ERC2: variants seen among roughly 807,000 people sequenced by gnomAD.
ERC2 encodes the protein ELKS/RAB6-interacting/CAST family member 2.
A neutral mutation model predicts 114.8 loss-of-function variants in ERC2; 42 were observed. The observed-to-expected ratio is 0.37, with a 90% CI of 0.29 to 0.47. The LOEUF is 0.47. Among genes scored for constraint, ERC2 ranks in the 20% least tolerant of loss-of-function variants. The pLI is 0.99. For missense variants in ERC2, 939 were observed against 1,150.7 expected (o/e 0.82, Z 2.66); for synonymous variants, 454 against 425.5 (o/e 1.07, Z -0.82).
At chr3:55,994,763 ATTATT>A (rs1246808408) in intron 10 of ERC2, among the ~76,000 whole-genome samples, 1 of 151,488 alleles carries the variant, frequency 6.6e-6, no homozygotes, top group Non-Finnish European at 1.5e-5. Context: ...AGAAAAGATG[ATTATT>A]CAACGCCACT....
intron 17 of ERC2, among the ~76,000 whole-genome samples, chr3:55,567,927 T>C (rs1367439248): frequency 6.6e-6 from 1 of 152,198 alleles, no homozygotes; most frequent in Non-Finnish European, 1.5e-5. Flanking sequence ...TGGTGATGGC[T>C]TCCCTCTTTG....
At position 55,510,390 on chromosome 3, in the gene ERC2, C is replaced by T. The variant is rs1323739507; in HGVS notation, c.*926G>A. 3 of 152,280 alleles carry T rather than the reference C, an allele frequency of 2.0e-5. No homozygotes were observed. The highest frequency in any genetic ancestry group is 2.9e-5 in the Non-Finnish European group (2 of 68,012). 9.4% of individuals were successfully genotyped at this position (152,280 alleles called of 1,614,324 possible). On this transcript the variant is annotated 3_prime_UTR_variant, in exon 18 of 18. Transcript: ENST00000288221. ...CTTCTTCATGGAGACCTGCATGCAC[C>T]GGGATGGTAAGAGTCTGAGGCTTGG... is the stretch of plus-strand genomic sequence containing the variant.
intron 12 of ERC2, among the ~76,000 whole-genome samples, chr3:55,969,263 A>G (rs1276978940): frequency 2.6e-5 from 4 of 152,144 alleles, no homozygotes; most frequent in Admixed American, 6.5e-5. Flanking sequence ...CAAAAATTTG[A>G]GAAAGGTCCC....
At chr3:56,136,943 C>G (rs747259809) in intron 6 of ERC2, among the ~76,000 whole-genome samples, 1 of 152,158 alleles carries the variant, frequency 6.6e-6, no homozygotes, top group Non-Finnish European at 1.5e-5. Flanking sequence ...TAATTTTTTT[C>G]TACTTCAAAG....
intron 17 of ERC2, among the ~76,000 whole-genome samples, chr3:55,584,273 C>G (rs1033435653): frequency 6.6e-6 from 1 of 152,150 alleles, no homozygotes; most frequent in East Asian, 1.9e-4. Flanking sequence ...CTCAGTTTTC[C>G]CATCTGCAAA....
intron 17 of ERC2, among the ~76,000 whole-genome samples, chr3:55,575,814 C>A (rs530850745): frequency 1.9e-4 from 29 of 152,272 alleles, no homozygotes; most frequent in Admixed American, 3.3e-4. Flanking sequence ...AGCAGTCAAA[C>A]CCTGCCTGGG....
At chr3:56,367,945 TAAAAAA>T (rs56372235) in intron 2 of ERC2, among the ~76,000 whole-genome samples, 1 of 118,076 alleles carries the variant, frequency 8.5e-6, no homozygotes, top group African/African-American at 3.2e-5. Flanking sequence ...CATCTCTCTT[TAAAAAA>T]AAAAAAAAAA....
At chr3:55,946,105 A>AT (rs1410779050) in intron 13 of ERC2, among the ~76,000 whole-genome samples, 1 of 151,884 alleles carries the variant, frequency 6.6e-6, no homozygotes, top group Non-Finnish European at 1.5e-5. Flanking sequence ...TAAAAAAAAA[A>AT]GGCATCCCAT....
intron 17 of ERC2, among the ~76,000 whole-genome samples, chr3:55,629,548 A>G (rs1233749535): frequency 6.6e-6 from 1 of 152,228 alleles, no homozygotes; most frequent in Non-Finnish European, 1.5e-5. Context: ...TGACCAAAGT[A>G]TCCTAAACAC....
At chr3:56,108,454 T>C (rs939788914) in intron 6 of ERC2, among the ~76,000 whole-genome samples, 1 of 152,106 alleles carries the variant, frequency 6.6e-6, no homozygotes, top group Non-Finnish European at 1.5e-5. Flanking sequence ...TAACCAATAA[T>C]TTTTTATAAT....
chr3:56,244,866 T>C (rs1373821723), intron 3 of ERC2, among the ~76,000 whole-genome samples: 1 of 152,156 alleles, frequency 6.6e-6, no homozygotes, highest in Admixed American at 6.6e-5. Context: ...CCATTCATGG[T>C]AGGTGGCCTA....
At chr3:55,596,193 A>G (rs2058118339) in intron 17 of ERC2, among the ~76,000 whole-genome samples, 1 of 152,238 alleles carries the variant, frequency 6.6e-6, no homozygotes, top group Admixed American at 6.5e-5. Flanking sequence ...AGGAGAAGGG[A>G]ACAAAAGAAC....
chr3:55,846,693 T>C (rs112430416), intron 14 of ERC2, among the ~76,000 whole-genome samples: 4,122 of 142,650 alleles, frequency 0.029, 73 homozygotes, highest in Non-Finnish European at 0.043. Flanking sequence ...CTCTCTCTCT[T>C]TCTCTCTCTC....
At chr3:56,040,212 T>C (rs2075048513) in intron 7 of ERC2, among the ~76,000 whole-genome samples, 1 of 152,132 alleles carries the variant, frequency 6.6e-6, no homozygotes, top group Non-Finnish European at 1.5e-5. Context: ...AAACAGATGT[T>C]ACAATTTTTC....
chr3:56,196,807 T>G (rs961660237), intron 3 of ERC2, among the ~76,000 whole-genome samples: 2 of 152,136 alleles, frequency 1.3e-5, no homozygotes, highest in Admixed American at 1.3e-4. Flanking sequence ...TGTTAGAAAT[T>G]ACCCTTCACC....
At chr3:56,171,761 A>G (rs907037281) in intron 4 of ERC2, among the ~76,000 whole-genome samples, 10 of 151,832 alleles carry the variant, frequency 6.6e-5, no homozygotes, top group Non-Finnish European at 1.5e-5. Flanking sequence ...TTATCTTTGT[A>G]TGGAGACATT....
At chr3:55,880,037 T>C (rs773834447) in intron 14 of ERC2, among the ~76,000 whole-genome samples, 2 of 152,194 alleles carry the variant, frequency 1.3e-5, no homozygotes, top group Non-Finnish European at 2.9e-5. Context: ...CAGCAAATAT[T>C]GAATAAACTG....
At chr3:56,214,408 A>G (rs2049307770) in intron 3 of ERC2, among the ~76,000 whole-genome samples, 1 of 151,810 alleles carries the variant, frequency 6.6e-6, no homozygotes, top group African/African-American at 2.4e-5. Flanking sequence ...GGAAGATCAA[A>G]TGAATGAAAT....
chr3:55,774,294 G>A (rs75066860), intron 14 of ERC2, among the ~76,000 whole-genome samples: 1,672 of 152,266 alleles, frequency 0.011, 19 homozygotes, highest in East Asian at 0.048. Flanking sequence ...TGTCAACATC[G>A]GTTCAACTAA....
Sources: gnomAD v4.1 joint callset for allele counts (sites outside exome capture counted in the v4.1 genomes callset) on GRCh38, gnomAD v4.1.1 for gene constraint, MANE v1.5 for transcripts, NCBI Gene and HGNC (gene_info 2026-07-23, HGNC 2026-07-21) for gene names.